DYSF: variants seen among roughly 807,000 people sequenced by gnomAD.
DYSF encodes the protein dystrophy-associated fer-1-like 1.
Under a neutral mutation model 274.9 loss-of-function variants are expected in DYSF, and 212 were observed. The ratio of observed to expected loss-of-function variants is 0.77; its 90% confidence interval spans 0.69 to 0.86. DYSF has a LOEUF of 0.86. DYSF is among the 40% of genes least tolerant of loss of function. The pLI is 0.00. For missense variants in DYSF, 2,666 were observed against 2,783.2 expected (o/e 0.96, Z 0.95); for synonymous variants, 1,091 against 1,078.7 (o/e 1.01, Z -0.22).
intron 30 of DYSF, among the ~76,000 whole-genome samples, chr2:71,580,249 CG>C (rs548427688): frequency 9.2e-5 from 14 of 152,234 alleles, no homozygotes; most frequent in Non-Finnish European, 1.9e-4. Context: ...GCTGGCCCCC[CG>C]GCCCCAACCC....
At chr2:71,596,988 C>T (rs1057204126) in intron 32 of DYSF, among the ~76,000 whole-genome samples, 3 of 152,202 alleles carry the variant, frequency 2.0e-5, no homozygotes, top group Admixed American at 6.5e-5. Flanking sequence ...CCCACCCCAA[C>T]CTTCCCACCT....
chr2:71,546,112 G>A (rs938592803), intron 17 of DYSF, among the ~76,000 whole-genome samples: 1 of 152,250 alleles, frequency 6.6e-6, no homozygotes, highest in Admixed American at 6.5e-5. Context: ...GCAGAGGTGG[G>A]TCCCTTTCTG....
intron 23 of DYSF, 52 bp from the exon 24 acceptor site, chr2:71,564,006 G>A (rs1050636190): frequency 1.2e-6 from 2 of 1,611,504 alleles, no homozygotes; most frequent in African/African-American, 2.7e-5. Flanking sequence ...TGGCTGTGGG[G>A]CGTGGGCCTG....
rs2087894901 is a variant in DYSF at position 71,526,304 on chromosome 2, C to G, written c.1234C>G (p.His412Asp). ...CACAGGCGTAGCCCTGCGAGGAGCC[C>G]ACTTCTGCCTGAAGGTCTTCCGGGC... is the stretch of plus-strand genomic sequence containing the variant. ...RPTGVALRGA[H>D]FCLKVFRAED... is the part of the protein sequence containing the mutation. The change falls in exon 13 of 56, where the codon CAC (histidine) becomes GAC (aspartate). Residue 412 changes from histidine (H) to aspartate (D), a missense_variant. Transcript: ENST00000410020. The G allele has an allele frequency of 6.2e-7, 1 of 1,614,022 alleles. No homozygotes were observed. The highest frequency in any genetic ancestry group is 8.5e-7 in the Non-Finnish European group (1 of 1,180,010).
chr2:71,646,626 A>G (rs553255452), intron 42 of DYSF, among the ~76,000 whole-genome samples: 1 of 152,310 alleles, frequency 6.6e-6, no homozygotes, highest in East Asian at 1.9e-4. Context: ...GGGGGACAAA[A>G]CAACTCCTAA....
chr2:71,525,345 C>A (rs2087746832), intron 12 of DYSF, among the ~76,000 whole-genome samples: 1 of 152,144 alleles, frequency 6.6e-6, no homozygotes, highest in Non-Finnish European at 1.5e-5. Context: ...CCATCTCAGC[C>A]TCTGAGTAGC....
chr2:71,486,827 G>A (rs1057476357), intron 3 of DYSF, among the ~76,000 whole-genome samples: 1 of 152,198 alleles, frequency 6.6e-6, no homozygotes, highest in Admixed American at 6.5e-5. Context: ...GTGGTCCTGG[G>A]ATCCTGTTCC....
intron 35 of DYSF, 135 bp downstream of exon 35, chr2:71,601,663 A>G (rs2093553889): frequency 3.4e-6 from 4 of 1,191,574 alleles, no homozygotes; most frequent in Non-Finnish European, 4.9e-6. Context: ...TCTTTCAAGC[A>G]GAGGAGGGCC....
rs762324316 is a variant in DYSF, at chr2:71,553,062, A to G, written c.1858A>G (p.Thr620Ala). 4.3e-6 allele frequency: 7 copies of G among 1,613,992 alleles called. No individual in the cohort carries two copies. The Admixed American group carries it at 6.7e-5, about 15-fold the overall frequency. The change falls in exon 20 of 56, where the codon ACC becomes GCC. Residue 620 changes from threonine (T) to alanine (A), a missense_variant. Transcript: ENST00000410020. ...CCTGTTTGCGGCCTTCTACTCAGCC[A>G]CCATGCTGCAGGATGTGGATGATGC... ...YSLFAAFYSA[T>A]MLQDVDDAIQ... is the part of the protein sequence containing the mutation.
In DYSF at chr2:71,564,043, C is replaced by A. The variant is rs745494546; in HGVS notation, c.2410-15C>A. On this transcript the variant is annotated splice_polypyrimidine_tract_variant and intron_variant, in intron 23 of 55. Transcript: ENST00000410020. ...TGTGTCACCATCCCCACCCCGACCACCACCCTCTGTTCAGCCCCAGAACAG... is the reference window on the plus strand; with the variant it reads ...TGTGTCACCATCCCCACCCCGACCAACACCCTCTGTTCAGCCCCAGAACAG... 7 of 1,613,810 alleles carry A rather than the reference C, an allele frequency of 4.3e-6. No homozygotes were observed. Among genetic ancestry groups the A allele is most frequent in the Admixed American group, 3.3e-5 (2 of 60,026 alleles).
chr2:71,555,652 T>C (rs988478218), intron 21 of DYSF, among the ~76,000 whole-genome samples: 2 of 152,128 alleles, frequency 1.3e-5, no homozygotes, highest in Non-Finnish European at 2.9e-5. Flanking sequence ...AAGCCAGGCC[T>C]GGTTTGAGGT....
intron 14 of DYSF, among the ~76,000 whole-genome samples, chr2:71,528,929 C>T (rs992961487): frequency 4.6e-5 from 7 of 152,166 alleles, no homozygotes; most frequent in Non-Finnish European, 8.8e-5. Flanking sequence ...TCCACACAGG[C>T]TGCCCACCCC....
intron 4 of DYSF, among the ~76,000 whole-genome samples, chr2:71,507,160 G>C (rs996196258): frequency 6.6e-6 from 1 of 152,102 alleles, no homozygotes; most frequent in African/African-American, 2.4e-5. Context: ...ACACTCCGGC[G>C]GCTCCACCTC....
intron 41 of DYSF, among the ~76,000 whole-genome samples, chr2:71,635,594 CAA>C (rs2094387308): frequency 6.6e-6 from 1 of 151,668 alleles, no homozygotes; most frequent in South Asian, 2.1e-4. Flanking sequence ...CTAAAAATAA[CAA>C]AAATTAGCTG....
At chr2:71,608,745 G>A (rs1045000878) in intron 36 of DYSF, among the ~76,000 whole-genome samples, 2 of 142,730 alleles carry the variant, frequency 1.4e-5, no homozygotes, top group African/African-American at 3.1e-5. Context: ...AGGGAGCCCC[G>A]AGGGACAGAC....
intron 1 of DYSF, among the ~76,000 whole-genome samples, chr2:71,454,376 G>A (rs1208500369): frequency 1.3e-5 from 2 of 152,204 alleles, no homozygotes; most frequent in African/African-American, 4.8e-5. Context: ...CACCTTTTCG[G>A]GATCTCTGAA....
chr2:71,592,147 A>G (rs1343247762), intron 32 of DYSF, among the ~76,000 whole-genome samples: 1 of 148,960 alleles, frequency 6.7e-6, no homozygotes, highest in Non-Finnish European at 1.5e-5. Context: ...GGGGATGGCC[A>G]GGGGGGGCCC....
intron 17 of DYSF, among the ~76,000 whole-genome samples, chr2:71,547,517 C>T (rs998500946): frequency 1.6e-4 from 25 of 152,266 alleles, no homozygotes; most frequent in African/African-American, 6.0e-4. Flanking sequence ...TGGTGGGCAC[C>T]TGGAATCATA....
At chr2:71,503,090 G>A in intron 3 of DYSF, 124 bp from the exon 4 acceptor site, 1 of 858,214 alleles carries the variant, frequency 1.2e-6, no homozygotes, top group Non-Finnish European at 2.0e-6. Context: ...GCCCTCGTGG[G>A]GTGCTGGGTG....
Sources: allele counts gnomAD v4.1 joint callset (sites outside exome capture counted in the v4.1 genomes callset), GRCh38; gene constraint gnomAD v4.1.1; transcripts MANE v1.5; gene names NCBI Gene and HGNC (gene_info 2026-07-23, HGNC 2026-07-21).